Variants in MSLN observed in about 807,000 individuals in gnomAD.
The protein encoded by MSLN is mesothelin, also known as CAK1 antigen.
A neutral mutation model predicts 72.6 loss-of-function variants in MSLN; 82 were observed. The ratio of observed to expected loss-of-function variants is 1.13; its 90% CI spans 0.94 to 1.36. The LOEUF (loss-of-function observed/expected upper bound fraction) is 1.36, where lower values mean the gene tolerates loss of function less well. Ranked by LOEUF, MSLN falls within the 40% of genes most tolerant of loss-of-function variation. The probability of loss-of-function intolerance (pLI) is 0.00; values close to 1 mark genes in which losing one functional copy is unlikely to be tolerated. For missense variants in MSLN, 1,005 were observed against 847.9 expected (o/e 1.19, Z -2.30); for synonymous variants, 456 against 387.3 (o/e 1.18, Z -2.08).
At chr16:764,202 A>C (rs1312273095) in intron 6 of MSLN, 59 bp downstream of exon 6, 1 of 1,568,666 alleles carries the variant, frequency 6.4e-7, no homozygotes, top group Non-Finnish European at 8.6e-7. Context: ...ATTCACAGGC[A>C]GCTCTGCAGT....
Position 768,448 on chromosome 16 carries a change from C to A in MSLN, c.1666C>A (p.His556Asn). 6.5e-7 allele frequency: 1 copy of A among 1,536,664 alleles called. No homozygotes were observed. The highest frequency in any genetic ancestry group is 8.8e-7 in the Non-Finnish European group (1 of 1,138,304). Residue 556 changes from histidine (H) to asparagine (N), a missense_variant, in exon 17 of 18, where the codon CAC becomes AAC. His to Asn is a moderately conservative substitution (Grantham distance 68, BLOSUM62 1). Coordinates refer to ENST00000545450, the MANE Select transcript of MSLN (RefSeq NM_005823.6). ...HVEGLKAEER[H>N]RPVRDWILRQ... ...GGAGGGCCTGAAGGCGGAGGAGCGG[C>A]ACCGCCCGGTGCGGGACTGGATCCT...
At chr16:764,877 C>A (rs375538221) in intron 7 of MSLN, 30 bp from the exon 8 acceptor site, 2 of 1,606,506 alleles carry the variant, frequency 1.2e-6, no homozygotes, top group South Asian at 2.2e-5. Flanking sequence ...GTGATCAGTG[C>A]GGCCTGTCCC....
chr16:763,760 G>A, intron 5 of MSLN, 69 bp downstream of exon 5: 1 of 393,326 alleles, frequency 2.5e-6, no homozygotes, highest in Non-Finnish European at 3.1e-6. Flanking sequence ...GGGTGGGCAG[G>A]GCACCCCATC....
rs1203634027 is a variant in MSLN, at chr16:766,421, G to C, written c.1161G>C (p.Trp387Cys). Residue 387 changes from tryptophan (W) to cysteine (C), a missense_variant, in exon 13 of 18, where the codon TGG (tryptophan) becomes TGC (cysteine). By Grantham distance (215) the Trp-to-Cys change is radical (BLOSUM62 -2). Coordinates refer to ENST00000545450, the MANE Select transcript of MSLN (RefSeq NM_005823.6). Reference sequence around the variant, plus strand: ...TGAGCCCTGAGGACATTCGCAAGTGGAATGTGACGTCCCTGGAGACCCTGA... The same window carrying C: ...TGAGCCCTGAGGACATTCGCAAGTGCAATGTGACGTCCCTGGAGACCCTGA... Reference protein sequence around the residue: ...LKMSPEDIRKWNVTSLETLKA... With the variant: ...LKMSPEDIRKCNVTSLETLKA... The C allele has an allele frequency of 6.2e-7, 1 of 1,612,570 alleles. No individual in the cohort carries two copies.
Position 765,454 on chromosome 16 carries a change from G to T in MSLN, c.705-73G>T, listed in dbSNP as rs545653151. ...CCCAGCGTCCCCTCCACAGCCAGGG[G>T]GTACGGCCTGGCCTCTTCCCTCTCT... On this transcript the variant is annotated intron_variant, in intron 9 of 17. Transcript: ENST00000545450. 91 of 1,463,244 alleles carry T rather than the reference G, an allele frequency of 6.2e-5. No individual in the cohort carries two copies. In the East Asian group the frequency reaches 1.6e-3, roughly 26 times the overall value. 90.6% of individuals were successfully genotyped at this position (1,463,244 alleles called of 1,614,324 possible). A position where few individuals can be genotyped will look rare whatever the true frequency, so the allele number is the denominator to read the frequency against.
chr16:762,916 T>C (rs1320544108), intron 3 of MSLN, 151 bp downstream of exon 3: 6 of 645,588 alleles, frequency 9.3e-6, no homozygotes, highest in African/African-American at 7.5e-5. Context: ...CAGAGGTGAC[T>C]GGAGCTGGAG....
At chr16:762,610 G>A in intron 2 of MSLN, 62 bp from the exon 3 acceptor site, 2 of 1,311,428 alleles carry the variant, frequency 1.5e-6, no homozygotes, top group Non-Finnish European at 2.2e-6. Flanking sequence ...CCCCAGGCTG[G>A]CCCAGGACAG....
chr16:766,911 C>T lies in MSLN; in HGVS notation c.1400C>T (p.Thr467Met), dbSNP rs370543723. 8.9e-5 allele frequency: 143 copies of T among 1,612,528 alleles called. No individual in the cohort carries two copies. Among genetic ancestry groups the T allele is most frequent in the South Asian group, 1.2e-4 (11 of 91,090 alleles). The change falls in exon 15 of 18, where the codon ACG (threonine) becomes ATG (methionine). Residue 467 changes from threonine (T) to methionine (M), a missense_variant. Thr to Met is a moderately conservative substitution (Grantham distance 81). Coordinates refer to ENST00000545450, the MANE Select transcript of MSLN (RefSeq NM_005823.6). ...IWAVRPQDLD[T>M]CDPRQLDVLY... ...GCGGTCAGGCCCCAGGACCTGGACA[C>T]GTGTGACCCAAGGCAGCTGGACGTC...
chr16:767,275 A>G (rs900742596), intron 15 of MSLN, 101 bp from the exon 16 acceptor site: 1 of 1,210,654 alleles, frequency 8.3e-7, no homozygotes, highest in East Asian at 2.3e-5. Context: ...CCTAAGGAAA[A>G]AGGGAAGCCC....
chr16:767,339 G>C (rs3765325), intron 15 of MSLN, 37 bp from the exon 16 acceptor site: 8 of 1,573,938 alleles, frequency 5.1e-6, no homozygotes, highest in Non-Finnish European at 7.0e-6. Flanking sequence ...GGGGTGTGAG[G>C]TGAGGCCTCA....
intron 14 of MSLN, 37 bp from the exon 15 acceptor site, chr16:766,848 T>C: frequency 6.2e-7 from 1 of 1,612,308 alleles, no homozygotes; most frequent in Non-Finnish European, 8.5e-7. Flanking sequence ...GGTGGGTCCG[T>C]GTGCTGGCGC....
rs200050288 is a variant in MSLN, at chr16:763,291, G to A, written c.129+15G>A. 944 of 1,537,426 alleles carry A rather than the reference G, an allele frequency of 6.1e-4. 5 individuals carry two copies. Among genetic ancestry groups the A allele is most frequent in the Admixed American group, 3.3e-3 (157 of 47,696 alleles). On this transcript the variant is annotated intron_variant, in intron 4 of 17. Transcript: ENST00000545450. The stretch of plus-strand genomic sequence containing the variant: ...AGACAGGGCAGGTAAGGTCCCCTCT[G>A]GGGAAACAGGGGAGGGTCTTCAGGT...
intron 11 of MSLN, 42 bp from the exon 12 acceptor site, chr16:766,017 A>T (rs935125068): frequency 6.5e-7 from 1 of 1,548,916 alleles, no homozygotes; most frequent in African/African-American, 1.4e-5. Flanking sequence ...AGAAGGGGTC[A>T]AACGAACTCC....
rs930150731 is a variant in MSLN at position 766,382 on chromosome 16, C to T, written c.1122C>T (p.Tyr374=). The change falls in exon 13 of 18, where the codon TAC becomes TAT. Residue 374 remains tyrosine (Y), a synonymous_variant. Coordinates refer to ENST00000545450, the MANE Select transcript of MSLN (RefSeq NM_005823.6). ...YPESVIQHLG[Y]LFLKMSPEDI... is the part of the protein sequence containing the mutation. Reference sequence around the variant, plus strand: ...AGTCTGTGATCCAGCACCTGGGCTACCTCTTCCTCAAGATGAGCCCTGAGG... The same window carrying T: ...AGTCTGTGATCCAGCACCTGGGCTATCTCTTCCTCAAGATGAGCCCTGAGG... 1 of 1,612,734 alleles carries T rather than the reference C, an allele frequency of 6.2e-7. No individual in the cohort carries two copies. Among genetic ancestry groups the T allele is most frequent in the Non-Finnish European group, 8.5e-7 (1 of 1,179,930 alleles).
chr16:762,785 G>A lies in MSLN; in HGVS notation c.85+20G>A, dbSNP rs2041552817. 1 of 1,553,308 alleles carries A rather than the reference G, an allele frequency of 6.4e-7. No homozygotes were observed. Among genetic ancestry groups the A allele is most frequent in the Non-Finnish European group, 8.7e-7 (1 of 1,153,544 alleles). Reference sequence around the variant, plus strand: ...GCCTCGGTGCGTACTTGATGGGGCTGCTGGTGAGGTGGGGACGGCCCAGGG... The same window carrying A: ...GCCTCGGTGCGTACTTGATGGGGCTACTGGTGAGGTGGGGACGGCCCAGGG... On this transcript the variant is annotated intron_variant, in intron 3 of 17. Coordinates refer to ENST00000545450, the MANE Select transcript of MSLN (RefSeq NM_005823.6).
At position 765,292 on chromosome 16, in the gene MSLN, A is replaced by G; in HGVS notation, c.693A>G (p.Gly231=). Reference sequence around the variant, plus strand: ...CCAGGGCGGCTCTGCAGGGCGGGGGACCCCCCTACGGGTAAGTGAAGGTGT... The same window carrying G: ...CCAGGGCGGCTCTGCAGGGCGGGGGGCCCCCCTACGGGTAAGTGAAGGTGT... The part of the protein sequence containing the change: ...EAARAALQGG[G]PPYGPPSTWS... Residue 231 remains glycine, a synonymous_variant, in exon 9 of 18, where the codon GGA becomes GGG. Transcript: ENST00000545450. 6.3e-7 allele frequency: 1 copy of G among 1,575,378 alleles called. No homozygotes were observed. The highest frequency in any genetic ancestry group is 8.6e-7 in the Non-Finnish European group (1 of 1,167,306).
At chr16:764,758 G>A in intron 7 of MSLN, 32 bp downstream of exon 7, 2 of 1,577,802 alleles carry the variant, frequency 1.3e-6, no homozygotes, top group Non-Finnish European at 1.7e-6. Context: ...CACCCCCCCG[G>A]CTTTTGCCGC....
Position 762,694 on chromosome 16 carries a change from C to A in MSLN, c.14C>A (p.Thr5Lys). The A allele has an allele frequency of 1.2e-6, 2 of 1,611,698 alleles. No homozygotes were observed. Among genetic ancestry groups the A allele is most frequent in the Middle Eastern group, 1.7e-4 (1 of 6,048 alleles). The change falls in exon 3 of 18, where the codon ACG becomes AAG. Residue 5 changes from threonine (T) to lysine (K), a missense_variant. Coordinates refer to ENST00000545450, the MANE Select transcript of MSLN (RefSeq NM_005823.6). Reference protein sequence around the residue: MALPTARPLLGSCGT... With the variant: MALPKARPLLGSCGT... ...CAGACACAGACCATGGCCTTGCCAA[C>A]GGCTCGACCCCTGTTGGGGTCCTGT... is the stretch of plus-strand genomic sequence containing the variant.
Position 764,922 on chromosome 16 carries a change from G to T in MSLN, c.396G>T (p.Ser132=). 2 of 1,611,850 alleles carry T rather than the reference G, an allele frequency of 1.2e-6. No homozygotes were observed. The highest frequency in any genetic ancestry group is 8.5e-7 in the Non-Finnish European group (1 of 1,179,524). ...CTCTTCACAGCCCAGATGCGTTCTCGGGGCCCCAGGCCTGCACCCGTTTCT... is the reference window on the plus strand; with the variant it reads ...CTCTTCACAGCCCAGATGCGTTCTCTGGGCCCCAGGCCTGCACCCGTTTCT... ...LLLFLNPDAF[S]GPQACTRFFS... is the part of the protein sequence containing the mutation. Residue 132 remains serine, a synonymous_variant, in exon 8 of 18, where the codon TCG becomes TCT. Transcript: ENST00000545450.
Sources: allele counts gnomAD v4.1 joint callset, GRCh38; gene constraint gnomAD v4.1.1; transcripts MANE v1.5; gene names NCBI Gene and HGNC (gene_info 2026-07-23, HGNC 2026-07-21).